Variants in ATIC observed in about 807,000 individuals in gnomAD.
ATIC encodes 5-aminoimidazole-4-carboxamide ribonucleotide formyltransferase/IMP cyclohydrolase.
ATIC carries 64 observed loss-of-function variants against 72.5 expected under a neutral mutation model. The observed-to-expected ratio is 0.88, with a 90% CI of 0.72 to 1.09. The LOEUF (loss-of-function observed/expected upper bound fraction) is 1.09, where lower values mean the gene tolerates loss of function less well. Among genes scored for constraint, ATIC ranks in the 50% least tolerant of loss-of-function variants. The pLI, the probability that ATIC is intolerant of heterozygous loss-of-function variation, is 0.00. For synonymous variants in ATIC, 281 were observed against 267.1 expected, an observed-to-expected ratio of 1.05 and a Z score of -0.51; for missense variants, 787 against 732.4, an observed-to-expected ratio of 1.07 and a Z score of -0.86.
intron 7 of ATIC, among the ~76,000 whole-genome samples, chr2:215,332,073 A>G (rs2052900644): frequency 6.6e-6 from 1 of 151,280 alleles, no homozygotes; most frequent in African/African-American, 2.4e-5. Flanking sequence ...AGTTTCTCCC[A>G]TCCCTAAATC....
chr2:215,328,385 A>G (rs934284868), intron 7 of ATIC, among the ~76,000 whole-genome samples: 1 of 152,082 alleles, frequency 6.6e-6, no homozygotes, highest in African/African-American at 2.4e-5. Flanking sequence ...GCCCTGCCCC[A>G]CAAACCCTGT....
the ATIC span, among the ~76,000 whole-genome samples, chr2:215,367,416 G>A: frequency 6.6e-6 from 1 of 152,094 alleles, no homozygotes; most frequent in Non-Finnish European, 1.5e-5. Context: ...TGTGTGCATG[G>A]GTACTATGAT....
At chr2:215,348,407 A>G (rs975355799) in intron 14 of ATIC, among the ~76,000 whole-genome samples, 3 of 152,208 alleles carry the variant, frequency 2.0e-5, no homozygotes, top group African/African-American at 7.2e-5. Context: ...ATTAGACGGT[A>G]GTCTAATAGA....
At chr2:215,362,269 T>A in the ATIC span, 1 of 613,436 alleles carries the variant, frequency 1.6e-6, no homozygotes, top group Non-Finnish European at 2.9e-6. Flanking sequence ...TATTACCATA[T>A]CTTATACCTA....
rs1491451193 is a variant in ATIC at position 215,320,586 on chromosome 2, TAA to T, written c.290+856_290+857del. Among the ~76,000 whole-genome samples, 24 of 152,096 alleles carry T rather than the reference TAA, an allele frequency of 1.6e-4. 1 individual carries two copies. The East Asian group carries it at 2.7e-3, about 17-fold the overall frequency. ...TTTAACTTTTATTCTTAATTTAATT[TAA>T]TTTTATTTTGAGACAGGGTCTCGCT... On this transcript the variant is annotated intron_variant, in intron 4 of 15. Transcript: ENST00000236959.
At chr2:215,348,987 C>A in intron 14 of ATIC, 107 bp from the exon 15 acceptor site, 8 of 978,602 alleles carry the variant, frequency 8.2e-6, no homozygotes, top group Admixed American at 2.7e-5. Flanking sequence ...ATAATAAAAA[C>A]AAGTCCTAAG....
In ATIC at chr2:215,325,340, A is replaced by C; in HGVS notation, c.379+11A>C. On this transcript the variant is annotated intron_variant, in intron 5 of 15. Coordinates refer to ENST00000236959, the MANE Select transcript of ATIC (RefSeq NM_004044.7). ...AGCAAATTGACATTGGTAAGTCAGAAAAACCATTTTAGAAGACTGAGAGGA... is the reference window on the plus strand; with the variant it reads ...AGCAAATTGACATTGGTAAGTCAGACAAACCATTTTAGAAGACTGAGAGGA... 1 of 1,597,190 alleles carries C rather than the reference A, an allele frequency of 6.3e-7. No individual in the cohort carries two copies. The highest frequency in any genetic ancestry group is 8.6e-7 in the Non-Finnish European group (1 of 1,164,616).
chr2:215,346,600 C>A (rs2053073007), intron 13 of ATIC, among the ~76,000 whole-genome samples, 159 bp from the exon 14 acceptor site: 1 of 152,090 alleles, frequency 6.6e-6, no homozygotes, highest in South Asian at 2.1e-4. Context: ...TACTCCACCC[C>A]TTTTAATGAC....
At chr2:215,325,067 C>T in intron 4 of ATIC, 174 bp from the exon 5 acceptor site, 1 of 589,318 alleles carries the variant, frequency 1.7e-6, no homozygotes, top group Non-Finnish European at 3.1e-6. Context: ...CAGCAGGACA[C>T]CCTGACTTTT....
chr2:215,327,440 C>T (rs2052841481), intron 7 of ATIC, among the ~76,000 whole-genome samples: 1 of 152,088 alleles, frequency 6.6e-6, no homozygotes, highest in African/African-American at 2.4e-5. Context: ...GATCTAGAAG[C>T]CCAATTGAAG....
intron 9 of ATIC, 152 bp from the exon 10 acceptor site, chr2:215,334,767 T>G (rs1223219981): frequency 3.0e-6 from 2 of 656,520 alleles, no homozygotes; most frequent in Non-Finnish European, 5.2e-6. Context: ...ACTGGTTACT[T>G]CAGTTAAATG....
At chr2:215,352,910 G>A (rs2053141584), downstream of ATIC, among the ~76,000 whole-genome samples, 2 of 152,120 alleles carry the variant, frequency 1.3e-5, no homozygotes, top group African/African-American at 4.8e-5. Flanking sequence ...GCATTCCTGT[G>A]ATGTCGTTTA....
chr2:215,338,957 T>C, intron 12 of ATIC, 50 bp downstream of exon 12: 1 of 1,605,882 alleles, frequency 6.2e-7, no homozygotes, highest in Non-Finnish European at 8.5e-7. Flanking sequence ...CATTGGTCTG[T>C]TTTCAATACT....
intron 3 of ATIC, 143 bp from the exon 4 acceptor site, chr2:215,319,522 G>T (rs574679658): frequency 1.5e-6 from 1 of 654,704 alleles, no homozygotes; most frequent in Non-Finnish European, 2.8e-6. Context: ...CAGCCTGGGC[G>T]ATAGAGTGAG....
intron 2 of ATIC, among the ~76,000 whole-genome samples, chr2:215,316,359 CCA>C (rs1410002483): frequency 1.3e-5 from 2 of 152,178 alleles, no homozygotes; most frequent in Non-Finnish European, 2.9e-5. Context: ...TGGTCAAACA[CCA>C]GTCATTTGCA....
At chr2:215,367,915 C>G in the ATIC span, 1 of 1,614,152 alleles carries the variant, frequency 6.2e-7, no homozygotes. Context: ...ACTGGCACAA[C>G]AGTTTAAAGC....
chr2:215,347,160 C>T, intron 14 of ATIC: 1 of 593,966 alleles, frequency 1.7e-6, no homozygotes, highest in Admixed American at 3.0e-5. Flanking sequence ...AAACCACAGT[C>T]CTCTGTCTTT....
At chr2:215,367,552 G>A in the ATIC span, 1 of 391,476 alleles carries the variant, frequency 2.6e-6, no homozygotes, top group South Asian at 2.2e-5. Flanking sequence ...CTCTTAAATA[G>A]ACCTGGTTCC....
In ATIC at chr2:215,313,796, C is replaced by T. The variant is rs75342059; in HGVS notation, c.146+1172C>T. The stretch of plus-strand genomic sequence containing the variant: ...TAACAAATACATAACTGTATATTTT[C>T]GGATGTCTTTTTGCGTCTTGTCTCT... On this transcript the variant is annotated intron_variant, in intron 2 of 15. Transcript: ENST00000236959. Among the ~76,000 whole-genome samples the T allele has an allele frequency of 5.1e-3, 773 of 152,128 alleles. 6 individuals are homozygous for T. Among genetic ancestry groups the T allele is most frequent in the African/African-American group, 0.018 (738 of 41,512 alleles).
Sources: allele counts gnomAD v4.1 joint callset (sites outside exome capture counted in the v4.1 genomes callset), GRCh38; gene constraint gnomAD v4.1.1; transcripts MANE v1.5; gene names NCBI Gene and HGNC (gene_info 2026-07-23, HGNC 2026-07-21).